MGAT4C: variants seen among roughly 807,000 people sequenced by gnomAD.
MGAT4C encodes the protein MGAT4 family member C, also known as alpha-1,3-mannosyl-glycoprotein 4-beta-N-acetylglucosaminyltransferase C.
MGAT4C carries 19 observed loss-of-function variants against 40.1 expected under a neutral mutation model. The observed-to-expected ratio is 0.47, with a 90% confidence interval of 0.33 to 0.70. The LOEUF (loss-of-function observed/expected upper bound fraction) is 0.70. Ranked by LOEUF, MGAT4C falls within the 30% of genes least tolerant of loss-of-function variation. The pLI is 0.02. For missense variants in MGAT4C, 491 were observed against 563.2 expected (o/e 0.87, Z 1.30); for synonymous variants, 181 against 187.1 (o/e 0.97, Z 0.27).
chr12:86,080,433 T>C (rs1182886739), intron 1 of MGAT4C, among the ~76,000 whole-genome samples: 1 of 152,216 alleles, frequency 6.6e-6, no homozygotes, highest in Non-Finnish European at 1.5e-5. Flanking sequence ...AGGCAACATA[T>C]ATTTTCACAC....
At chr12:86,076,605 G>T (rs941116936) in intron 1 of MGAT4C, among the ~76,000 whole-genome samples, 4 of 152,126 alleles carry the variant, frequency 2.6e-5, no homozygotes, top group Admixed American at 2.0e-4. Flanking sequence ...TCATAATCAT[G>T]GCAGGAGGCA....
Position 86,230,917 on chromosome 12 carries a change from G to C in MGAT4C, c.-57+25322C>G, listed in dbSNP as rs950501786. Among the ~76,000 whole-genome samples, 43 of 148,872 alleles carry C rather than the reference G, an allele frequency of 2.9e-4. 1 individual carries two copies. Among genetic ancestry groups the C allele is most frequent in the Non-Finnish European group, 1.2e-4 (8 of 67,532 alleles). ...CTAATTTACGTGCCAAACGGGAAAA[G>C]TAATTTCCATTATATTATGAACAGT... On this transcript the variant is annotated intron_variant, in intron 1 of 4. Coordinates refer to ENST00000611864, the MANE Select transcript of MGAT4C (RefSeq NM_001351288.2).
At position 86,014,793 on chromosome 12, in the gene MGAT4C, G is replaced by C. The variant is rs949745974; in HGVS notation, c.-6-25241C>G. On this transcript the variant is annotated intron_variant, in intron 2 of 4. Transcript: ENST00000611864. The stretch of plus-strand genomic sequence containing the variant: ...AAATGACAATGAGGAGCGCCAAGGA[G>C]TACTTGGGGACGTGGAGGGCTTGAA... Among the ~76,000 whole-genome samples, 9 of 151,930 alleles carry C rather than the reference G, an allele frequency of 5.9e-5. No individual in the cohort carries two copies. The South Asian group carries it at 1.2e-3, about 21-fold the overall frequency.
At chr12:86,496,889 T>C (rs980975622) in intron 2 of MGAT4C, among the ~76,000 whole-genome samples, 5 of 152,118 alleles carry the variant, frequency 3.3e-5, no homozygotes, top group East Asian at 1.9e-4. Flanking sequence ...CTACTACCTA[T>C]ATGGGTCTCC....
chr12:86,068,052 A>C (rs1191255047), intron 1 of MGAT4C: 1 of 152,124 alleles, frequency 6.6e-6, no homozygotes, highest in Non-Finnish European at 1.5e-5. Context: ...ACCTCTCCAA[A>C]ATTTCAAATT....
Position 86,233,066 on chromosome 12 carries a change from C to T in MGAT4C, c.-57+23173G>A, listed in dbSNP as rs569078244. 7.2e-5 allele frequency among the ~76,000 whole-genome samples: 11 copies of T among 152,266 alleles called. No homozygotes were observed. In the South Asian group the frequency reaches 1.9e-3, roughly 26 times the overall value. On this transcript the variant is annotated intron_variant, in intron 1 of 4. Coordinates refer to ENST00000611864, the MANE Select transcript of MGAT4C (RefSeq NM_001351288.2). Reference sequence around the variant, plus strand: ...TCAATGAGGCAGGTAATCGCTGAGGCAGTCTCTAGGTTATTCTGTTTTAGA... The same window carrying T: ...TCAATGAGGCAGGTAATCGCTGAGGTAGTCTCTAGGTTATTCTGTTTTAGA...
At chr12:86,731,544 C>T (rs191391597) in intron 1 of MGAT4C, among the ~76,000 whole-genome samples, 7 of 151,634 alleles carry the variant, frequency 4.6e-5, no homozygotes, top group South Asian at 4.2e-4. Context: ...TCAGTACCTT[C>T]GTTTATTGTT....
At chr12:86,128,009 G>T (rs547659667) in intron 1 of MGAT4C, among the ~76,000 whole-genome samples, 1 of 152,186 alleles carries the variant, frequency 6.6e-6, no homozygotes, top group South Asian at 2.1e-4. Flanking sequence ...TAACACAATC[G>T]TTCTTTAGCA....
chr12:86,278,399 G>A (rs1327741410), intron 4 of MGAT4C, among the ~76,000 whole-genome samples: 2 of 151,912 alleles, frequency 1.3e-5, no homozygotes, highest in African/African-American at 4.8e-5. Context: ...GGCTGGTCTT[G>A]AACTCCTGAC....
Position 85,971,053 on chromosome 12 carries a change from T to C in MGAT4C, c.*8236A>G, listed in dbSNP as rs1350715492. Reference sequence around the variant, plus strand: ...TATGTAAATTTCATTGCAACAATGGTTATTCAATTTACTGATGAAAATCAG... The same window carrying C: ...TATGTAAATTTCATTGCAACAATGGCTATTCAATTTACTGATGAAAATCAG... On this transcript the variant is annotated 3_prime_UTR_variant, in exon 5 of 5. Transcript: ENST00000611864. The C allele has an allele frequency of 6.6e-6, 1 of 151,216 alleles. No homozygotes were observed. Among genetic ancestry groups the C allele is most frequent in the Non-Finnish European group, 1.5e-5 (1 of 67,358 alleles). The allele number at this position is 151,216 out of a possible 1,614,324, so 9.4% of individuals were successfully genotyped here. A position where few individuals can be genotyped will look rare whatever the true frequency, so the allele number is the denominator to read the frequency against.
At chr12:86,176,405 G>A (rs953211362) in intron 1 of MGAT4C, among the ~76,000 whole-genome samples, 4 of 152,032 alleles carry the variant, frequency 2.6e-5, no homozygotes, top group Middle Eastern at 6.3e-3. Flanking sequence ...TGTAACTTTC[G>A]CATATGTAAG....
intron 2 of MGAT4C, among the ~76,000 whole-genome samples, chr12:86,497,117 A>G (rs913743408): frequency 6.6e-6 from 1 of 152,042 alleles, no homozygotes; most frequent in Admixed American, 6.6e-5. Flanking sequence ...GATGGCTACA[A>G]TTGCTAAGAA....
At chr12:86,645,090 T>C (rs776021194) in intron 2 of MGAT4C, among the ~76,000 whole-genome samples, 87 of 151,488 alleles carry the variant, frequency 5.7e-4, no homozygotes, top group Non-Finnish European at 1.1e-3. Flanking sequence ...AAATCATATC[T>C]ATATATTATT....
At chr12:86,614,139 C>T (rs1026977062) in intron 2 of MGAT4C, among the ~76,000 whole-genome samples, 1 of 152,132 alleles carries the variant, frequency 6.6e-6, no homozygotes, top group Non-Finnish European at 1.5e-5. Context: ...GTGTGCCCAT[C>T]ATATAAAATG....
chr12:86,219,178 C>CAAAAAAAG (rs1036459459), intron 1 of MGAT4C, among the ~76,000 whole-genome samples: 6 of 150,866 alleles, frequency 4.0e-5, no homozygotes, highest in Admixed American at 1.3e-4. Flanking sequence ...GACTCCATCT[C>CAAAAAAAG]AAAAAAAGAA....
At chr12:86,120,777 C>T (rs1246549604) in intron 1 of MGAT4C, among the ~76,000 whole-genome samples, 9 of 152,170 alleles carry the variant, frequency 5.9e-5, no homozygotes, top group African/African-American at 2.2e-4. Context: ...GATAAAACCA[C>T]AAAGATGGGG....
At chr12:86,008,054 A>C (rs543121935) in intron 2 of MGAT4C, among the ~76,000 whole-genome samples, 2 of 152,144 alleles carry the variant, frequency 1.3e-5, no homozygotes, top group Non-Finnish European at 2.9e-5. Flanking sequence ...ATATCATACT[A>C]TCTGGATTAC....
chr12:86,062,764 A>T (rs187855811), intron 1 of MGAT4C, among the ~76,000 whole-genome samples: 1 of 152,028 alleles, frequency 6.6e-6, no homozygotes, highest in Admixed American at 6.5e-5. Context: ...AAGCAGAAGA[A>T]AGGATATCAG....
chr12:86,305,331 A>G (rs1953907119), intron 4 of MGAT4C, among the ~76,000 whole-genome samples: 1 of 149,786 alleles, frequency 6.7e-6, no homozygotes, highest in South Asian at 2.1e-4. Flanking sequence ...CCCAGCTACA[A>G]GGGAGGCTGA....
Sources: gnomAD v4.1 joint callset for allele counts (sites outside exome capture counted in the v4.1 genomes callset) on GRCh38, gnomAD v4.1.1 for gene constraint, MANE v1.5 for transcripts, NCBI Gene and HGNC (gene_info 2026-07-23, HGNC 2026-07-21) for gene names.